The following BCAS3 variants were observed in gnomAD, a reference collection of about 807,000 sequenced individuals.
The protein encoded by BCAS3 is BCAS3 microtubule associated cell migration factor.
BCAS3 carries 53 observed loss-of-function variants against 116.1 expected under a neutral mutation model. That is an observed-to-expected ratio of 0.46 (90% CI 0.37 to 0.57). BCAS3 has a LOEUF of 0.57. BCAS3 is among the 20% of genes least tolerant of loss of function. BCAS3 has a pLI of 0.00. For missense variants in BCAS3, 917 were observed against 1,165.4 expected (o/e 0.79, Z 3.10); for synonymous variants, 391 against 408.2 (o/e 0.96, Z 0.51).
rs545426058 is a variant in BCAS3 at position 61,259,827 on chromosome 17, G to A, written c.2426-108500G>A. Among the ~76,000 whole-genome samples, 6 of 152,276 alleles carry A rather than the reference G, an allele frequency of 3.9e-5. No homozygotes were observed. The East Asian group carries it at 1.2e-3, about 29-fold the overall frequency. ...CCTAGTGCTTTTAGGGGCACCTGAG[G>A]TCACTTTTTGCCATAAGGCATGTCA... On this transcript the variant is annotated intron_variant, in intron 22 of 23. Transcript: ENST00000407086. The surrounding 1 kb of genome is among the most constrained non-coding windows in gnomAD (Gnocchi z 4.7).
intron 22 of BCAS3, among the ~76,000 whole-genome samples, chr17:61,174,076 A>C (rs2079006999): frequency 6.6e-6 from 1 of 152,230 alleles, no homozygotes; most frequent in African/African-American, 2.4e-5. Context: ...CACTGGAAGA[A>C]AATTGTTTAA....
At chr17:61,252,394 C>CA (rs1163898916) in intron 22 of BCAS3, among the ~76,000 whole-genome samples, 1 of 152,342 alleles carries the variant, frequency 6.6e-6, no homozygotes, top group Admixed American at 6.5e-5. Flanking sequence ...TCAGCCCCCC[C>CA]AGTTCCAGCT....
rs916210065 is a variant in BCAS3, at chr17:61,104,113, T to C, written c.2425+19549T>C. ...GAAAAAACTTTTCTAAAGTTACAAA[T>C]GGTTTCATTTACCAAAATGACTATT... On this transcript the variant is annotated intron_variant, in intron 22 of 23. Coordinates refer to ENST00000407086, the MANE Select transcript of BCAS3 (RefSeq NM_017679.5). The surrounding 1 kb of genome is among the most constrained non-coding windows in gnomAD (Gnocchi z 4.1). Among the ~76,000 whole-genome samples the C allele has an allele frequency of 5.3e-5, 8 of 152,202 alleles. No individual in the cohort carries two copies. The highest frequency in any genetic ancestry group is 1.9e-4 in the African/African-American group (8 of 41,446).
At chr17:60,980,669 G>T (rs2062752409) in intron 14 of BCAS3, 1 of 151,848 alleles carries the variant, frequency 6.6e-6, no homozygotes, top group South Asian at 2.1e-4. Context: ...GAGTAGCTGG[G>T]ACTACAGGCG....
At chr17:61,292,186 G>T (rs1432933395) in intron 22 of BCAS3, among the ~76,000 whole-genome samples, 1 of 152,050 alleles carries the variant, frequency 6.6e-6, no homozygotes, top group African/African-American at 2.4e-5. Flanking sequence ...GCCTTCAGGG[G>T]ATAGATTCTA....
intron 22 of BCAS3, among the ~76,000 whole-genome samples, chr17:61,167,676 A>T (rs777246812): frequency 1.3e-5 from 2 of 152,210 alleles, no homozygotes; most frequent in Non-Finnish European, 2.9e-5. Flanking sequence ...ACTTAAGGAA[A>T]TGACACAGAA....
At chr17:61,176,467 C>A (rs2079153612) in intron 22 of BCAS3, among the ~76,000 whole-genome samples, 1 of 151,012 alleles carries the variant, frequency 6.6e-6, no homozygotes, top group Non-Finnish European at 1.5e-5. Flanking sequence ...AGGCTGAGGC[C>A]CTGTCCCCCC....
intron 22 of BCAS3, among the ~76,000 whole-genome samples, chr17:61,263,919 T>C (rs2049443458): frequency 6.6e-6 from 1 of 152,172 alleles, no homozygotes; most frequent in South Asian, 2.1e-4. Flanking sequence ...CATTTTAGGG[T>C]AGCAAAAATA....
intron 22 of BCAS3, among the ~76,000 whole-genome samples, chr17:61,351,230 TC>T (rs1331478750): frequency 2.6e-5 from 4 of 152,342 alleles, no homozygotes; most frequent in African/African-American, 9.6e-5. Flanking sequence ...ATTGAGTATC[TC>T]GTGCAATATT....
chr17:61,015,683 T>G, intron 15 of BCAS3, 68 bp from the exon 16 acceptor site: 1 of 1,507,420 alleles, frequency 6.6e-7, no homozygotes, highest in Non-Finnish European at 9.2e-7. Flanking sequence ...GAAAACCCTA[T>G]CGGAGATAGA....
chr17:61,375,210 A>C (rs1307060373), intron 23 of BCAS3, among the ~76,000 whole-genome samples: 1 of 116,466 alleles, frequency 8.6e-6, no homozygotes, highest in East Asian at 2.6e-4. Flanking sequence ...ATGACCTAAA[A>C]GCACTATTTG....
At chr17:61,329,352 T>A (rs905357133) in intron 22 of BCAS3, among the ~76,000 whole-genome samples, 4 of 148,710 alleles carry the variant, frequency 2.7e-5, no homozygotes, top group African/African-American at 9.8e-5. Context: ...TATTTTTTTT[T>A]TTTTTTGAGA....
At chr17:60,921,826 T>G (rs2059118708) in intron 12 of BCAS3, among the ~76,000 whole-genome samples, 1 of 150,868 alleles carries the variant, frequency 6.6e-6, no homozygotes, top group South Asian at 2.1e-4. Flanking sequence ...AAAAAAAACA[T>G]GTAAACAATA....
intron 18 of BCAS3, among the ~76,000 whole-genome samples, chr17:61,038,744 C>A (rs1224556609): frequency 6.8e-6 from 1 of 147,974 alleles, no homozygotes; most frequent in Non-Finnish European, 1.5e-5. Flanking sequence ...TCTCAGCTCA[C>A]TGCAGCCTCC....
chr17:61,322,230 G>A (rs375914245), intron 22 of BCAS3, among the ~76,000 whole-genome samples: 5 of 152,156 alleles, frequency 3.3e-5, no homozygotes, highest in African/African-American at 1.2e-4. Flanking sequence ...CACCACACCC[G>A]GCCCCACTTA....
At chr17:60,840,932 T>G (rs2051841742) in intron 7 of BCAS3, among the ~76,000 whole-genome samples, 1 of 152,184 alleles carries the variant, frequency 6.6e-6, no homozygotes, top group South Asian at 2.1e-4. Context: ...CTCTCCCTAT[T>G]GTCTCAATAA....
At chr17:60,897,052 A>G (rs1282864937) in intron 10 of BCAS3, among the ~76,000 whole-genome samples, 1 of 151,996 alleles carries the variant, frequency 6.6e-6, no homozygotes, top group East Asian at 1.9e-4. Flanking sequence ...TTGTCCTTTC[A>G]CTTCCAGGTT....
rs2143867374 is a variant in BCAS3 at position 61,130,889 on chromosome 17, C to T, written c.2425+46325C>T. On this transcript the variant is annotated intron_variant, in intron 22 of 23. Coordinates refer to ENST00000407086, the MANE Select transcript of BCAS3 (RefSeq NM_017679.5). This position sits in a 1 kb window ranked among gnomAD's most constrained non-coding sequence, Gnocchi z 5.0. The stretch of plus-strand genomic sequence containing the variant: ...CTGGCCAACATGCAAAACCCCGTCT[C>T]TGCTAAAGATATAAAAATTAGCCTG... 1 of 152,368 alleles carries T rather than the reference C, an allele frequency of 6.6e-6. No homozygotes were observed. The highest frequency in any genetic ancestry group is 1.5e-5 in the Non-Finnish European group (1 of 68,070). The allele number at this position is 152,368 out of a possible 1,614,324, so 9.4% of individuals were successfully genotyped here.
intron 22 of BCAS3, among the ~76,000 whole-genome samples, chr17:61,168,282 C>G (rs566021837): frequency 6.6e-6 from 1 of 152,232 alleles, no homozygotes; most frequent in African/African-American, 2.4e-5. Context: ...TTTGATCCAA[C>G]TCTGTATTTA....
Sources: allele counts gnomAD v4.1 joint callset (sites outside exome capture counted in the v4.1 genomes callset), GRCh38; gene constraint gnomAD v4.1.1; non-coding constraint Gnocchi (gnomAD v3.1); transcripts MANE v1.5; gene names NCBI Gene and HGNC (gene_info 2026-07-23, HGNC 2026-07-21).